INPP5A: variants seen among roughly 807,000 people sequenced by gnomAD.
INPP5A encodes inositol polyphosphate-5-phosphatase A.
In INPP5A, 14 loss-of-function variants were observed where a neutral mutation model predicts 65.2. The ratio of observed to expected loss-of-function variants is 0.21; its 90% CI spans 0.14 to 0.34. The LOEUF (loss-of-function observed/expected upper bound fraction) is 0.34, where lower values mean the gene tolerates loss of function less well. Among genes scored for constraint, INPP5A ranks in the 10% least tolerant of loss-of-function variants. The probability of loss-of-function intolerance (pLI) is 1.00; values close to 1 mark genes in which losing one functional copy is unlikely to be tolerated. For synonymous variants in INPP5A, 207 were observed against 208.3 expected (o/e 0.99, Z 0.05); for missense variants, 431 against 545.6 (o/e 0.79, Z 2.09).
chr10:132,735,326 G>A lies in INPP5A; in HGVS notation c.732+8421G>A, dbSNP rs555764538. Among the ~76,000 whole-genome samples, 35 of 152,336 alleles carry A rather than the reference G, an allele frequency of 2.3e-4. No individual in the cohort carries two copies. The South Asian group carries it at 6.6e-3, about 29-fold the overall frequency. On this transcript the variant is annotated intron_variant, in intron 9 of 15. Coordinates refer to ENST00000368594, the MANE Select transcript of INPP5A (RefSeq NM_005539.5). ...GCCCAGGATCAGAGTAAGCATACGCGGTTCTGAAGGTTTGTGGACAGTGAC... is the reference window on the plus strand; with the variant it reads ...GCCCAGGATCAGAGTAAGCATACGCAGTTCTGAAGGTTTGTGGACAGTGAC...
rs2072042469 is a variant in INPP5A at position 132,616,945 on chromosome 10, G to A, written c.117+8989G>A. Among the ~76,000 whole-genome samples, 2 of 152,104 alleles carry A rather than the reference G, an allele frequency of 1.3e-5. No homozygotes were observed. The highest frequency in any genetic ancestry group is 4.8e-5 in the African/African-American group (2 of 41,398). On this transcript the variant is annotated intron_variant, in intron 2 of 15. Transcript: ENST00000368594. This position sits in a 1 kb window ranked among gnomAD's most constrained non-coding sequence, Gnocchi z 4.9. ...GCCAGTTGCTTTGCTGCGCTGGTGGGGAGAGGCCGCCTGAGGTCCTTCGAA... is the reference window on the plus strand; with the variant it reads ...GCCAGTTGCTTTGCTGCGCTGGTGGAGAGAGGCCGCCTGAGGTCCTTCGAA...
At chr10:132,667,864 G>A (rs973565035) in intron 4 of INPP5A, among the ~76,000 whole-genome samples, 3 of 152,164 alleles carry the variant, frequency 2.0e-5, no homozygotes, top group Non-Finnish European at 4.4e-5. Context: ...TGGGCTCTTG[G>A]AAAAGGGGAA....
rs756374091 is a variant in INPP5A, at chr10:132,710,418, G to A, written c.609G>A (p.Ser203=). ...GGGAAACAAGCCCTTCCGTGTACTC[G>A]GGAATCCGGCACAAGGCACTGGGCT... The part of the protein sequence containing the change: ...VAWETSPSVY[S]GIRHKALGYV... Residue 203 remains serine (S), a synonymous_variant, in exon 8 of 16, where the codon TCG becomes TCA. Transcript: ENST00000368594. 58 of 1,613,916 alleles carry A rather than the reference G, an allele frequency of 3.6e-5. No individual in the cohort carries two copies. In the African/African-American group the frequency reaches 3.9e-4, roughly 11 times the overall value.
At chr10:132,608,638 C>T (rs771915985) in intron 2 of INPP5A, among the ~76,000 whole-genome samples, 7 of 152,240 alleles carry the variant, frequency 4.6e-5, no homozygotes, top group East Asian at 3.9e-4. Context: ...GCCAGGCAGG[C>T]GAGGAGGGCA....
chr10:132,592,436 A>G (rs2071630369), intron 1 of INPP5A, among the ~76,000 whole-genome samples: 1 of 150,862 alleles, frequency 6.6e-6, no homozygotes, highest in Admixed American at 6.6e-5. Context: ...GTTTGTTTGA[A>G]ATGGAGTCTT....
Position 132,743,458 on chromosome 10 carries a change from A to G in INPP5A, c.733-6059A>G, listed in dbSNP as rs61516300. Among the ~76,000 whole-genome samples, 97 of 143,704 alleles carry G rather than the reference A, an allele frequency of 6.7e-4. 2 individuals are homozygous for G. The highest frequency in any genetic ancestry group is 2.8e-3 in the South Asian group (12 of 4,306). The allele number at this position is 143,704 out of a possible 152,430, so 94.3% of individuals were successfully genotyped here. ...GCTGCACTCAGCCCCAGCAGGGACC[A>G]GGCCTGGGAGTGAGGGCGAGCCCCT... On this transcript the variant is annotated intron_variant, in intron 9 of 15. Coordinates refer to ENST00000368594, the MANE Select transcript of INPP5A (RefSeq NM_005539.5).
Position 132,777,606 on chromosome 10 carries a change from C to T in INPP5A, c.978-65C>T, listed in dbSNP as rs1236326630. ...TGTATTGGGAGAGAATCGGCACAGCCGTCCCTTTGGGGCTGAGGACGGCCC... is the reference window on the plus strand; with the variant it reads ...TGTATTGGGAGAGAATCGGCACAGCTGTCCCTTTGGGGCTGAGGACGGCCC... On this transcript the variant is annotated intron_variant, in intron 12 of 15. Coordinates refer to ENST00000368594, the MANE Select transcript of INPP5A (RefSeq NM_005539.5). The T allele has an allele frequency of 1.8e-5, 26 of 1,437,846 alleles. 1 individual carries two copies. Among genetic ancestry groups the T allele is most frequent in the South Asian group, 8.6e-5 (7 of 81,646 alleles). The allele number at this position is 1,437,846 out of a possible 1,614,324, so 89.1% of individuals were successfully genotyped here.
intron 6 of INPP5A, among the ~76,000 whole-genome samples, chr10:132,702,082 T>C (rs970860957): frequency 2.0e-4 from 30 of 152,252 alleles, no homozygotes; most frequent in African/African-American, 6.5e-4. Flanking sequence ...GGCTGTGGCT[T>C]CATTTGTTCC....
At chr10:132,581,028 C>G (rs555417525) in intron 1 of INPP5A, among the ~76,000 whole-genome samples, 52 of 152,314 alleles carry the variant, frequency 3.4e-4, no homozygotes, top group Non-Finnish European at 5.0e-4. Context: ...ACCCCTCCCC[C>G]ATACCTTTCC....
At position 132,753,138 on chromosome 10, in the gene INPP5A, C is replaced by G. The variant is rs1846527481; in HGVS notation, c.903+3293C>G. Among the ~76,000 whole-genome samples, 1 of 152,176 alleles carries G rather than the reference C, an allele frequency of 6.6e-6. No homozygotes were observed. Among genetic ancestry groups the G allele is most frequent in the African/African-American group, 2.4e-5 (1 of 41,446 alleles). ...GGACGACGGCACCTTCGGGAACGCC[C>G]CATGGGTTCCTGCTGACCCGGGTGC... On this transcript the variant is annotated intron_variant, in intron 11 of 15. Transcript: ENST00000368594. This position sits in a 1 kb window ranked among gnomAD's most constrained non-coding sequence, Gnocchi z 5.3.
At chr10:132,730,735 G>A (rs1846069461) in intron 9 of INPP5A, among the ~76,000 whole-genome samples, 1 of 152,204 alleles carries the variant, frequency 6.6e-6, no homozygotes, top group South Asian at 2.1e-4. Flanking sequence ...GCTGACCCAG[G>A]TGGCGTCTTG....
intron 7 of INPP5A, 86 bp from the exon 8 acceptor site, chr10:132,710,251 A>ATCCCT: frequency 6.6e-7 from 1 of 1,511,428 alleles, no homozygotes; most frequent in Non-Finnish European, 9.0e-7. Flanking sequence ...TGCAGGTCTT[A>ATCCCT]TCTTCCCGGG....
chr10:132,682,029 G>C (rs1288812551), intron 4 of INPP5A, among the ~76,000 whole-genome samples: 1 of 152,260 alleles, frequency 6.6e-6, no homozygotes, highest in East Asian at 1.9e-4. Flanking sequence ...GTTGCCAGGG[G>C]CTGGGGAGAG....
intron 2 of INPP5A, among the ~76,000 whole-genome samples, chr10:132,610,643 G>A (rs185856750): frequency 1.4e-3 from 209 of 152,368 alleles, no homozygotes; most frequent in South Asian, 8.9e-3. Context: ...GCTGGCCAGC[G>A]TGGGGACCAC....
At chr10:132,590,623 G>A (rs149877746) in intron 1 of INPP5A, among the ~76,000 whole-genome samples, 103 of 152,288 alleles carry the variant, frequency 6.8e-4, no homozygotes, top group African/African-American at 2.3e-3. Flanking sequence ...CAAGCGTCGC[G>A]TCTAGAATCA....
chr10:132,604,029 C>T (rs550328040), intron 1 of INPP5A, among the ~76,000 whole-genome samples: 1 of 147,432 alleles, frequency 6.8e-6, no homozygotes, highest in African/African-American at 2.5e-5. Flanking sequence ...TCTGTCCCGC[C>T]CTGTGCCGTC....
rs12241920 is a variant in INPP5A at position 132,678,162 on chromosome 10, C to T, written c.307-12230C>T. ...GTCAGCTGTCATTTTGTGGTGGTCA[C>T]GGAGCTCCTCTGAGAGCGGACGGTC... On this transcript the variant is annotated intron_variant, in intron 4 of 15. Transcript: ENST00000368594. This position sits in a 1 kb window ranked among gnomAD's most constrained non-coding sequence, Gnocchi z 4.1. 5.8e-3 allele frequency among the ~76,000 whole-genome samples: 880 copies of T among 152,198 alleles called. 5 individuals carry two copies. The highest frequency in any genetic ancestry group is 0.02 in the African/African-American group (836 of 41,514).
chr10:132,718,147 T>A (rs1171867129), intron 8 of INPP5A, among the ~76,000 whole-genome samples: 1 of 147,898 alleles, frequency 6.8e-6, no homozygotes, highest in African/African-American at 2.5e-5. Context: ...CTTAGACAGC[T>A]GTCTTCAGGG....
chr10:132,619,861 A>T (rs1252981168), intron 2 of INPP5A, among the ~76,000 whole-genome samples: 3 of 152,088 alleles, frequency 2.0e-5, no homozygotes, highest in Non-Finnish European at 2.9e-5. Context: ...GTTTCACCAT[A>T]TTGGCCAGGC....
Sources: gnomAD v4.1 joint callset for allele counts (sites outside exome capture counted in the v4.1 genomes callset) on GRCh38, gnomAD v4.1.1 for gene constraint, Gnocchi (gnomAD v3.1) non-coding constraint, MANE v1.5 for transcripts, NCBI Gene and HGNC (gene_info 2026-07-23, HGNC 2026-07-21) for gene names.